Variants in TMEM204 observed in about 807,000 individuals in gnomAD.
The protein encoded by TMEM204 is claudin-like protein 24.
A neutral mutation model predicts 19.4 loss-of-function variants in TMEM204; 15 were observed. The observed-to-expected ratio is 0.77, with a 90% confidence interval of 0.52 to 1.19. TMEM204 has a LOEUF of 1.19. Ranked by LOEUF, TMEM204 falls within the 50% of genes most tolerant of loss-of-function variation. TMEM204 has a pLI of 0.00. For synonymous variants in TMEM204, 161 were observed against 146.0 expected (o/e 1.10, Z -0.74); for missense variants, 287 against 321.2 (o/e 0.89, Z 0.81).
In TMEM204 at chr16:1,534,153, G is replaced by A. The variant is rs780232915; in HGVS notation, c.-123G>A. On this transcript the variant is annotated 5_prime_UTR_variant, in exon 1 of 3. Transcript: ENST00000566264. The stretch of plus-strand genomic sequence containing the variant: ...GACCATCCCATGGGCCTCCGCCCGC[G>A]CCGCCCCGAGGATGAGTGGTGATGT... 1.0e-5 allele frequency: 13 copies of A among 1,293,974 alleles called. No homozygotes were observed. In the East Asian group the frequency reaches 1.0e-4, roughly 10 times the overall value. The allele number at this position is 1,293,974 out of a possible 1,614,324, so 80.2% of individuals were successfully genotyped here. A position where few individuals can be genotyped will look rare whatever the true frequency, so the allele number is the denominator to read the frequency against.
At chr16:1,546,809 C>T (rs2032214815) in intron 2 of TMEM204, among the ~76,000 whole-genome samples, 1 of 152,206 alleles carries the variant, frequency 6.6e-6, no homozygotes, top group South Asian at 2.1e-4. Flanking sequence ...ATCCAGCAGC[C>T]CTGCAGAGCT....
At chr16:1,543,736 A>G (rs1373640162) in intron 2 of TMEM204, among the ~76,000 whole-genome samples, 4 of 152,208 alleles carry the variant, frequency 2.6e-5, no homozygotes, top group Non-Finnish European at 4.4e-5. Context: ...GAGACTCTCA[A>G]CGAGGTACCC....
Position 1,541,982 on chromosome 16 carries a change from G to A in TMEM204, c.342G>A (p.Gln114=). The A allele has an allele frequency of 6.2e-7, 1 of 1,611,154 alleles. No individual in the cohort carries two copies. Among genetic ancestry groups the A allele is most frequent in the Non-Finnish European group, 8.5e-7 (1 of 1,179,702 alleles). ...CCACGGCCGCGCTCACCGCAGGCCA[G>A]CTCACCTTCCTCCTGGGGCTGGTGG... The part of the protein sequence containing the change: ...LVATAALTAG[Q]LTFLLGLVGL... Residue 114 remains glutamine (Q), a synonymous_variant, in exon 2 of 3, where the codon CAG becomes CAA. Coordinates refer to ENST00000566264, the MANE Select transcript of TMEM204 (RefSeq NM_024600.6).
In TMEM204 at chr16:1,553,112, C is replaced by T. The variant is rs916521539; in HGVS notation, c.437-1670C>T. On this transcript the variant is annotated intron_variant, in intron 2 of 2. Transcript: ENST00000566264. This position sits in a 1 kb window ranked among gnomAD's most constrained non-coding sequence, Gnocchi z 4.4. ...CTTAATTCATACTTTCTGGAGGGTACAGTGATGATGAAAAGATAATGCTTG... is the reference window on the plus strand; with the variant it reads ...CTTAATTCATACTTTCTGGAGGGTATAGTGATGATGAAAAGATAATGCTTG... 3 of 985,268 alleles carry T rather than the reference C, an allele frequency of 3.0e-6. No individual in the cohort carries two copies. Among genetic ancestry groups the T allele is most frequent in the South Asian group, 4.7e-5 (1 of 21,286 alleles). The allele number at this position is 985,268 out of a possible 1,614,324, so 61.0% of individuals were successfully genotyped here. A position where few individuals can be genotyped will look rare whatever the true frequency, so the allele number is the denominator to read the frequency against.
intron 1 of TMEM204, among the ~76,000 whole-genome samples, chr16:1,539,234 A>C (rs542575165): frequency 0.025 from 3,177 of 126,906 alleles, 116 homozygotes; most frequent in African/African-American, 0.09. Flanking sequence ...AAGCCTCAGG[A>C]CTCACCAAGC....
chr16:1,534,495 G>T lies in TMEM204; in HGVS notation c.220G>T (p.Glu74Ter). 1 of 1,609,582 alleles carries T rather than the reference G, an allele frequency of 6.2e-7. No individual in the cohort carries two copies. The change falls in exon 1 of 3, where the codon GAG (glutamate) becomes TAG (stop). Residue 74 changes from glutamate to a stop codon, truncating the protein, a stop_gained. Transcript: ENST00000566264. LOFTEE classifies it high-confidence loss of function. ...RAGQVDAHDCEALGWGSEAAG... is the reference protein window; with the variant it reads ...RAGQVDAHDC Reference sequence around the variant, plus strand: ...CGGCCAGGTGGACGCACATGACTGTGAGGCGCTGGGCTGGGGCTCCGAGGC... The same window carrying T: ...CGGCCAGGTGGACGCACATGACTGTTAGGCGCTGGGCTGGGGCTCCGAGGC...
chr16:1,552,561 T>A (rs868346994), intron 2 of TMEM204, among the ~76,000 whole-genome samples: 1 of 151,782 alleles, frequency 6.6e-6, no homozygotes, highest in African/African-American at 2.4e-5. Flanking sequence ...CAAGCATCGA[T>A]ACCACACAAT....
intron 2 of TMEM204, chr16:1,554,026 C>T (rs2032890836): frequency 7.8e-7 from 1 of 1,287,246 alleles, no homozygotes; most frequent in Non-Finnish European, 1.0e-6. Flanking sequence ...ACCTCTCCTT[C>T]TCTGGTTTCA....
intron 2 of TMEM204, among the ~76,000 whole-genome samples, chr16:1,543,590 G>A (rs529416832): frequency 1.3e-5 from 2 of 152,344 alleles, no homozygotes; most frequent in East Asian, 1.9e-4. Context: ...AAACTAACGT[G>A]AGCCTCTGCA....
intron 1 of TMEM204, 35 bp downstream of exon 1, chr16:1,534,590 G>A (rs200810216): frequency 2.5e-6 from 4 of 1,596,424 alleles, no homozygotes; most frequent in Non-Finnish European, 3.4e-6. Context: ...CCTTCAGCGT[G>A]GCCGAGGCTC....
rs1389322540 is a variant in TMEM204 at position 1,555,111 on chromosome 16, C to G, written c.*85C>G. On this transcript the variant is annotated 3_prime_UTR_variant, in exon 3 of 3. Coordinates refer to ENST00000566264, the MANE Select transcript of TMEM204 (RefSeq NM_024600.6). ...AAGGGACTCCACCACCAAGTCACTTCCCCTGCTCGTGCAGAGGCACGGGAT... is the reference window on the plus strand; with the variant it reads ...AAGGGACTCCACCACCAAGTCACTTGCCCTGCTCGTGCAGAGGCACGGGAT... 3 of 1,503,992 alleles carry G rather than the reference C, an allele frequency of 2.0e-6. No homozygotes were observed. Among genetic ancestry groups the G allele is most frequent in the Non-Finnish European group, 2.7e-6 (3 of 1,125,156 alleles). The allele number at this position is 1,503,992 out of a possible 1,614,324, so 93.2% of individuals were successfully genotyped here.
In TMEM204 at chr16:1,553,218, C is replaced by T; in HGVS notation, c.437-1564C>T. On this transcript the variant is annotated intron_variant, in intron 2 of 2. Transcript: ENST00000566264. This position sits in a 1 kb window ranked among gnomAD's most constrained non-coding sequence, Gnocchi z 4.4. ...CCTGTGTCTCTGTCTCTGTCTCTCT[C>T]TGTCTCCATCTGTCTCTGTGTCTGT... is the stretch of plus-strand genomic sequence containing the variant. 1 of 978,858 alleles carries T rather than the reference C, an allele frequency of 1.0e-6. No homozygotes were observed. The highest frequency in any genetic ancestry group is 1.2e-6 in the Non-Finnish European group (1 of 824,080). The allele number at this position is 978,858 out of a possible 1,614,324, so 60.6% of individuals were successfully genotyped here.
chr16:1,530,532 G>A (rs527629309), upstream of TMEM204, among the ~76,000 whole-genome samples: 14 of 152,326 alleles, frequency 9.2e-5, no homozygotes, highest in East Asian at 9.7e-4. Flanking sequence ...CCTGCCCCGC[G>A]TGGCTCCTTT....
At chr16:1,552,607 G>A (rs112120915) in intron 2 of TMEM204, among the ~76,000 whole-genome samples, 3,148 of 151,142 alleles carry the variant, frequency 0.021, 106 homozygotes, top group African/African-American at 0.072. Flanking sequence ...TGGTAGAAAT[G>A]CCAGAAGTTT....
rs1444870522 is a variant in TMEM204, at chr16:1,541,275, G to A, written c.281-646G>A. ...GGCAGATGGGGTGACGGGGCCCCAG[G>A]AGGTGAGGGGGGCAGGTGGGGGGCA... On this transcript the variant is annotated intron_variant, in intron 1 of 2. Transcript: ENST00000566264. 3.0e-6 allele frequency: 3 copies of A among 985,278 alleles called. No individual in the cohort carries two copies. In the Admixed American group the frequency reaches 1.8e-4, roughly 61 times the overall value. 61.0% of individuals were successfully genotyped at this position (985,278 alleles called of 1,614,324 possible).
chr16:1,538,203 G>A (rs2031271183), intron 1 of TMEM204, among the ~76,000 whole-genome samples: 1 of 152,214 alleles, frequency 6.6e-6, no homozygotes, highest in South Asian at 2.1e-4. Flanking sequence ...GTGCCCTTGT[G>A]GTGAGCCATG....
intron 1 of TMEM204, among the ~76,000 whole-genome samples, chr16:1,536,464 T>A (rs1038621773): frequency 3.3e-5 from 5 of 152,178 alleles, no homozygotes; most frequent in African/African-American, 1.2e-4. Context: ...AACATCCTCC[T>A]GCAACTTGTA....
upstream of TMEM204, chr16:1,530,653 C>G (rs1335789165): frequency 6.6e-6 from 1 of 150,480 alleles, no homozygotes; most frequent in East Asian, 1.9e-4. Context: ...CAGACGGGCT[C>G]CCCTGTGCTC....
intron 2 of TMEM204, among the ~76,000 whole-genome samples, chr16:1,549,625 T>A (rs1335036431): frequency 6.6e-6 from 1 of 151,948 alleles, no homozygotes. Context: ...AGAGATGGGG[T>A]TTCCCCATGT....
Sources: gnomAD v4.1 joint callset for allele counts (sites outside exome capture counted in the v4.1 genomes callset) on GRCh38, gnomAD v4.1.1 for gene constraint, Gnocchi (gnomAD v3.1) non-coding constraint, MANE v1.5 for transcripts, NCBI Gene and HGNC (gene_info 2026-07-23, HGNC 2026-07-21) for gene names.